THSD7B: variants seen among roughly 807,000 people sequenced by gnomAD.
The protein encoded by THSD7B is thrombospondin type 1 domain containing 7B.
A neutral mutation model predicts 213.6 loss-of-function variants in THSD7B; 138 were observed. That is an observed-to-expected ratio of 0.65 (90% CI 0.56 to 0.74). The LOEUF is 0.74. Among genes scored for constraint, THSD7B ranks in the 30% least tolerant of loss-of-function variants. THSD7B has a pLI of 0.00. For missense variants in THSD7B, 1,931 were observed against 1,991.5 expected, an observed-to-expected ratio of 0.97 and a Z score of 0.58; for synonymous variants, 742 against 687.0, an observed-to-expected ratio of 1.08 and a Z score of -1.25.
chr2:137,047,320 ACT>A (rs1686989341), intron 2 of THSD7B, among the ~76,000 whole-genome samples: 1 of 152,154 alleles, frequency 6.6e-6, no homozygotes. Context: ...TACCCATTTG[ACT>A]CTACTGGGTA....
At chr2:137,619,238 C>A (rs1682468511) in intron 19 of THSD7B, among the ~76,000 whole-genome samples, 1 of 152,188 alleles carries the variant, frequency 6.6e-6, no homozygotes. Context: ...AAAAAGGGGA[C>A]CAGTTAACTC....
At chr2:136,939,453 T>G (rs183237764) in intron 2 of THSD7B, among the ~76,000 whole-genome samples, 1 of 152,038 alleles carries the variant, frequency 6.6e-6, no homozygotes, top group Admixed American at 6.5e-5. Flanking sequence ...TCCATTCACT[T>G]TTACCTAACA....
chr2:137,004,348 A>ACACACAC (rs1558883738), intron 2 of THSD7B, among the ~76,000 whole-genome samples: 2 of 105,828 alleles, frequency 1.9e-5, no homozygotes, highest in African/African-American at 3.5e-5. Flanking sequence ...CACACACACA[A>ACACACAC]ACTTATTCCA....
intron 12 of THSD7B, among the ~76,000 whole-genome samples, chr2:137,394,611 G>A (rs925605792): frequency 1.9e-4 from 26 of 137,074 alleles, no homozygotes; most frequent in Non-Finnish European, 3.7e-4. Context: ...CTCCAGCTTT[G>A]TTCTTTTGGC....
At chr2:137,238,564 T>TTTTTTTTTTTTTTTC (rs1553481982) in intron 9 of THSD7B, among the ~76,000 whole-genome samples, 1 of 83,408 alleles carries the variant, frequency 1.2e-5, no homozygotes. Context: ...TTTTTTTTTT[T>TTTTTTTTTTTTTTTC]GAGACGGAGT....
chr2:137,379,661 A>G (rs1685730901), intron 12 of THSD7B, among the ~76,000 whole-genome samples: 1 of 152,218 alleles, frequency 6.6e-6, no homozygotes, highest in Non-Finnish European at 1.5e-5. Flanking sequence ...TGTCACAGTA[A>G]TGAGATTGCT....
chr2:137,027,428 C>G (rs1341510204), intron 2 of THSD7B, among the ~76,000 whole-genome samples: 4 of 152,176 alleles, frequency 2.6e-5, no homozygotes, highest in African/African-American at 9.7e-5. Flanking sequence ...AATTACATCC[C>G]ACACCTGATT....
chr2:136,876,728 A>G (rs879481601), intron 1 of THSD7B, among the ~76,000 whole-genome samples: 5 of 152,214 alleles, frequency 3.3e-5, no homozygotes, highest in Non-Finnish European at 5.9e-5. Flanking sequence ...GCCACAATTC[A>G]TATCACAGAC....
chr2:137,036,420 C>A (rs1686777559), intron 2 of THSD7B, among the ~76,000 whole-genome samples: 1 of 152,104 alleles, frequency 6.6e-6, no homozygotes, highest in South Asian at 2.1e-4. Flanking sequence ...GTTACACTAT[C>A]AAATTTATGA....
chr2:137,017,180 T>C (rs1034165436), intron 2 of THSD7B, among the ~76,000 whole-genome samples: 1 of 152,058 alleles, frequency 6.6e-6, no homozygotes, highest in African/African-American at 2.4e-5. Context: ...GGATGAGGGA[T>C]TGTGGACCTA....
chr2:137,078,509 T>C (rs1687677686), intron 3 of THSD7B, among the ~76,000 whole-genome samples: 1 of 152,194 alleles, frequency 6.6e-6, no homozygotes. Context: ...TCCTCAGCTA[T>C]TATTTAAAAT....
At chr2:137,208,297 C>A (rs1681028440) in intron 7 of THSD7B, among the ~76,000 whole-genome samples, 1 of 151,972 alleles carries the variant, frequency 6.6e-6, no homozygotes, top group Non-Finnish European at 1.5e-5. Context: ...GGGTGATTAC[C>A]CTTATCTGTC....
At chr2:137,089,930 C>G (rs1036422714) in intron 3 of THSD7B, among the ~76,000 whole-genome samples, 2 of 151,770 alleles carry the variant, frequency 1.3e-5, no homozygotes, top group African/African-American at 4.8e-5. Flanking sequence ...TTCCTTAAAC[C>G]CGGGAGGCAG....
chr2:137,547,161 G>A (rs982154209), intron 15 of THSD7B, among the ~76,000 whole-genome samples: 1 of 152,044 alleles, frequency 6.6e-6, no homozygotes, highest in African/African-American at 2.4e-5. Context: ...TAAGTGAATG[G>A]CAGGAATGCC....
chr2:136,933,623 A>C (rs892977581), intron 2 of THSD7B, among the ~76,000 whole-genome samples: 3 of 151,652 alleles, frequency 2.0e-5, no homozygotes, highest in Non-Finnish European at 2.9e-5. Context: ...TTGTGAAGAG[A>C]CTCCAACTGG....
chr2:137,301,673 A>G (rs370531226), intron 12 of THSD7B, among the ~76,000 whole-genome samples: 2 of 152,212 alleles, frequency 1.3e-5, no homozygotes, highest in South Asian at 2.1e-4. Context: ...TTGAGCAAAC[A>G]CTAGAAGCAG....
At chr2:137,308,292 A>C (rs1036612540) in intron 12 of THSD7B, among the ~76,000 whole-genome samples, 1 of 151,894 alleles carries the variant, frequency 6.6e-6, no homozygotes, top group Non-Finnish European at 1.5e-5. Context: ...GTGTGTGATG[A>C]TTTTACCGGC....
chr2:137,542,584 A>G (rs1338947436), intron 15 of THSD7B, among the ~76,000 whole-genome samples: 1 of 151,736 alleles, frequency 6.6e-6, no homozygotes, highest in Non-Finnish European at 1.5e-5. Flanking sequence ...GCAATAACAC[A>G]ATATACATTC....
intron 2 of THSD7B, among the ~76,000 whole-genome samples, chr2:136,908,540 G>A (rs1307590066): frequency 6.6e-6 from 1 of 152,194 alleles, no homozygotes; most frequent in Non-Finnish European, 1.5e-5. Flanking sequence ...AATCCATCAG[G>A]TAATCTGGAG....
Sources: allele counts gnomAD v4.1 joint callset (sites outside exome capture counted in the v4.1 genomes callset), GRCh38; gene constraint gnomAD v4.1.1; transcripts MANE v1.5; gene names NCBI Gene and HGNC (gene_info 2026-07-23, HGNC 2026-07-21).